CRTAC1: variants seen among roughly 807,000 people sequenced by gnomAD.
The protein encoded by CRTAC1 is acidic secreted protein in cartilage.
A neutral mutation model predicts 67.8 loss-of-function variants in CRTAC1; 37 were observed. The ratio of observed to expected loss-of-function variants is 0.55; its 90% CI spans 0.42 to 0.72. The LOEUF is 0.72. Among genes scored for constraint, CRTAC1 ranks in the 30% least tolerant of loss-of-function variants. The pLI is 0.00. For synonymous variants in CRTAC1, 348 were observed against 371.0 expected (o/e 0.94, Z 0.71); for missense variants, 780 against 931.6 (o/e 0.84, Z 2.12).
intron 5 of CRTAC1, among the ~76,000 whole-genome samples, chr10:97,913,964 C>G (rs2050724257): frequency 6.6e-6 from 1 of 152,186 alleles, no homozygotes; most frequent in South Asian, 2.1e-4. Flanking sequence ...CCATACTGCT[C>G]CCAGCCAACA....
chr10:97,951,565 T>C (rs2051355841), intron 2 of CRTAC1, among the ~76,000 whole-genome samples: 1 of 152,164 alleles, frequency 6.6e-6, no homozygotes. Flanking sequence ...ATAGAAAATG[T>C]TGTGTGTTAA....
At chr10:97,905,321 T>C (rs1032597358) in intron 6 of CRTAC1, among the ~76,000 whole-genome samples, 4 of 152,204 alleles carry the variant, frequency 2.6e-5, no homozygotes, top group African/African-American at 9.7e-5. Context: ...TCTCCCCATC[T>C]TTCCAGCTCC....
intron 2 of CRTAC1, among the ~76,000 whole-genome samples, chr10:97,997,211 T>C (rs1842596434): frequency 6.9e-6 from 1 of 145,132 alleles, no homozygotes; most frequent in African/African-American, 2.6e-5. Flanking sequence ...ATTGTGCACA[T>C]GTACCCTAAA....
intron 14 of CRTAC1, chr10:97,879,904 GT>G: frequency 9.1e-7 from 1 of 1,104,870 alleles, no homozygotes; most frequent in Non-Finnish European, 1.3e-6. Flanking sequence ...GAAATTACCA[GT>G]TTAGAAATTC....
intron 11 of CRTAC1, among the ~76,000 whole-genome samples, chr10:97,889,525 T>C (rs1436224229): frequency 1.3e-5 from 2 of 151,740 alleles, no homozygotes; most frequent in East Asian, 3.9e-4. Context: ...CTATGAGAGC[T>C]CTGCACAACA....
In CRTAC1 at chr10:97,939,383, G is replaced by A. The variant is rs888370311; in HGVS notation, c.225-3017C>T. Among the ~76,000 whole-genome samples, 4 of 152,136 alleles carry A rather than the reference G, an allele frequency of 2.6e-5. 1 individual carries two copies. The highest frequency in any genetic ancestry group is 4.1e-4 in the South Asian group (2 of 4,820). On this transcript the variant is annotated intron_variant, in intron 2 of 14. Transcript: ENST00000370597. The stretch of plus-strand genomic sequence containing the variant: ...TCGATCAGTTACTGAGTGAGCACAC[G>A]CCACAAAGGCTTCCCTAAACTGACA...
chr10:97,879,865 T>TTGGGGGG, intron 14 of CRTAC1: 2 of 226,632 alleles, frequency 8.8e-6, no homozygotes, highest in Non-Finnish European at 1.7e-5. Flanking sequence ...GGGGACGGGG[T>TTGGGGGG]GGGGGTGGAG....
Position 97,953,140 on chromosome 10 carries a change from A to G in CRTAC1, c.225-16774T>C, listed in dbSNP as rs143294352. Among the ~76,000 whole-genome samples, 613 of 152,226 alleles carry G rather than the reference A, an allele frequency of 4.0e-3. 2 individuals are homozygous for G. Among genetic ancestry groups the G allele is most frequent in the Non-Finnish European group, 6.1e-3 (414 of 68,018 alleles). On this transcript the variant is annotated intron_variant, in intron 2 of 14. Transcript: ENST00000370597. ...CCTCCTTGCACCCACCATGCCTTCC[A>G]AGGACCAGTTGGCCCATTCCTCTGC...
At chr10:97,940,554 G>C (rs986714763) in intron 2 of CRTAC1, among the ~76,000 whole-genome samples, 1 of 152,258 alleles carries the variant, frequency 6.6e-6, no homozygotes, top group Non-Finnish European at 1.5e-5. Context: ...GCCATCAAGG[G>C]CATGACCAAC....
At chr10:97,987,620 A>G (rs1012095830) in intron 2 of CRTAC1, among the ~76,000 whole-genome samples, 10 of 152,240 alleles carry the variant, frequency 6.6e-5, no homozygotes, top group Non-Finnish European at 1.3e-4. Flanking sequence ...ACGAGTGTGC[A>G]TCATCTACAT....
rs531021933 is a variant in CRTAC1 at position 98,002,761 on chromosome 10, C to CTTTTTTTTTTT, written c.224+8366_224+8376dup. Among the ~76,000 whole-genome samples, 6 of 37,296 alleles carry CTTTTTTTTTTT rather than the reference C, an allele frequency of 1.6e-4. 2 individuals carry two copies. The highest frequency in any genetic ancestry group is 2.3e-4 in the Non-Finnish European group (4 of 17,200). 24.5% of individuals were successfully genotyped at this position (37,296 alleles called of 152,430 possible). Reference sequence around the variant, plus strand: ...TTTTAGGAATTCTTTACAAAACTCACTTTTTTTTTTTTTTTTTTTTTTTTT... The same window carrying CTTTTTTTTTTT: ...TTTTAGGAATTCTTTACAAAACTCACTTTTTTTTTTTTTTTTTTTTTTTTTTTTTTTTTTTT... On this transcript the variant is annotated intron_variant, in intron 2 of 14. Coordinates refer to ENST00000370597, the MANE Select transcript of CRTAC1 (RefSeq NM_018058.7).
chr10:97,892,607 GT>G (rs1263769649), intron 11 of CRTAC1, among the ~76,000 whole-genome samples: 1 of 152,236 alleles, frequency 6.6e-6, no homozygotes, highest in Admixed American at 6.5e-5. Context: ...CCTGTAAAAT[GT>G]GGGTTATGTT....
intron 2 of CRTAC1, among the ~76,000 whole-genome samples, chr10:97,977,307 C>T (rs994794898): frequency 3.9e-5 from 6 of 152,108 alleles, no homozygotes; most frequent in South Asian, 2.1e-4. Context: ...ATACTATGGC[C>T]GGGGAGGAGA....
chr10:97,865,644 A>AGCAGCAGCGGCAGTG lies in CRTAC1; in HGVS notation c.1875_1889dup (p.Thr626_Ala630dup). ...CAGCAGTGGCAGCTCCAGCAGCGGC[A>AGCAGCAGCGGCAGTG]GCAGCAGCGGCAGTGGCAGCAGCAG... On this transcript the variant is annotated inframe_insertion, in exon 15 of 15. Transcript: ENST00000370597. The AGCAGCAGCGGCAGTG allele has an allele frequency of 1.2e-6, 2 of 1,611,886 alleles. No homozygotes were observed. The highest frequency in any genetic ancestry group is 1.7e-6 in the Non-Finnish European group (2 of 1,179,116).
intron 5 of CRTAC1, among the ~76,000 whole-genome samples, chr10:97,913,828 C>T (rs2050722694): frequency 6.6e-6 from 1 of 152,168 alleles, no homozygotes. Context: ...CCCCTTGGCC[C>T]CCACTCTGTA....
intron 1 of CRTAC1, among the ~76,000 whole-genome samples, chr10:98,023,717 A>G (rs1325357653): frequency 6.6e-6 from 1 of 152,208 alleles, no homozygotes; most frequent in Non-Finnish European, 1.5e-5. Flanking sequence ...CTCTGATTAC[A>G]GGGACTGACC....
chr10:97,930,570 C>T (rs907720407), intron 3 of CRTAC1, among the ~76,000 whole-genome samples: 14 of 152,138 alleles, frequency 9.2e-5, no homozygotes, highest in Admixed American at 2.0e-4. Flanking sequence ...AAGAGCACCC[C>T]GCTGATTCCC....
intron 2 of CRTAC1, among the ~76,000 whole-genome samples, chr10:98,001,186 A>G (rs999468962): frequency 6.6e-6 from 1 of 152,234 alleles, no homozygotes; most frequent in Admixed American, 6.5e-5. Context: ...AGAATTACTG[A>G]GAGAAATGAA....
intron 2 of CRTAC1, among the ~76,000 whole-genome samples, chr10:97,988,392 C>T (rs575763957): frequency 1.6e-4 from 25 of 152,222 alleles, no homozygotes; most frequent in African/African-American, 5.8e-4. Flanking sequence ...AGACTCTGAA[C>T]GATCTCATGG....
Sources: gnomAD v4.1 joint callset for allele counts (sites outside exome capture counted in the v4.1 genomes callset) on GRCh38, gnomAD v4.1.1 for gene constraint, MANE v1.5 for transcripts, NCBI Gene and HGNC (gene_info 2026-07-23, HGNC 2026-07-21) for gene names.